MDN1: variants seen among roughly 807,000 people sequenced by gnomAD.
MDN1 encodes the protein midasin AAA ATPase 1.
Under a neutral mutation model 669.2 loss-of-function variants are expected in MDN1, and 266 were observed. The ratio of observed to expected loss-of-function variants is 0.40; its 90% CI spans 0.36 to 0.44. The LOEUF is 0.44. Among genes scored for constraint, MDN1 ranks in the 20% least tolerant of loss-of-function variants. The pLI is 1.00. For synonymous variants in MDN1, 2,385 were observed against 2,457.1 expected (o/e 0.97, Z 0.87); for missense variants, 5,940 against 6,754.0 (o/e 0.88, Z 4.22).
chr6:89,801,367 G>A (rs1478083155), intron 2 of MDN1, among the ~76,000 whole-genome samples: 1 of 152,022 alleles, frequency 6.6e-6, no homozygotes, highest in Non-Finnish European at 1.5e-5. Flanking sequence ...AAATACAAAA[G>A]TTAGGCCAGG....
intron 1 of MDN1, among the ~76,000 whole-genome samples, chr6:89,815,680 T>C (rs1358065614): frequency 6.6e-6 from 1 of 152,168 alleles, no homozygotes; most frequent in Non-Finnish European, 1.5e-5. Flanking sequence ...TAGTAATGCA[T>C]CGTATACTTG....
At chr6:89,812,144 C>A (rs1768463100) in intron 1 of MDN1, among the ~76,000 whole-genome samples, 2 of 151,930 alleles carry the variant, frequency 1.3e-5, no homozygotes, top group African/African-American at 4.8e-5. Flanking sequence ...CGCCACCACA[C>A]CCGGCTAATT....
chr6:89,773,127 TA>T (rs1292797921), intron 13 of MDN1, among the ~76,000 whole-genome samples: 1 of 152,232 alleles, frequency 6.6e-6, no homozygotes, highest in East Asian at 1.9e-4. Context: ...AATGTGACCT[TA>T]TTTCAAAATA....
chr6:89,762,539 GAC>G lies in MDN1; in HGVS notation c.2145-11_2145-10del, dbSNP rs772435753. On this transcript the variant is annotated splice_polypyrimidine_tract_variant and intron_variant, in intron 15 of 101. Coordinates refer to ENST00000369393, the MANE Select transcript of MDN1 (RefSeq NM_014611.3). ...GGTCCACCGGTTTATAACTGAAACA[GAC>G]ACAGGTAAATGTGATTCACAAACTT... is the stretch of plus-strand genomic sequence containing the variant. 1.3e-6 allele frequency: 2 copies of G among 1,596,620 alleles called. No homozygotes were observed. The highest frequency in any genetic ancestry group is 1.7e-6 in the Non-Finnish European group (2 of 1,167,278).
chr6:89,758,430 T>G, intron 18 of MDN1, 79 bp from the exon 19 acceptor site: 1 of 1,149,876 alleles, frequency 8.7e-7, no homozygotes, highest in African/African-American at 1.5e-5. Context: ...GCCAGCCTGA[T>G]GCTGGCTGCT....
At chr6:89,717,046 A>G (rs1814423849) in intron 43 of MDN1, among the ~76,000 whole-genome samples, 1 of 152,244 alleles carries the variant, frequency 6.6e-6, no homozygotes, top group South Asian at 2.1e-4. Flanking sequence ...CTAGGGTGAT[A>G]GAGGTGGCAA....
At chr6:89,728,568 C>A (rs996037899) in intron 36 of MDN1, among the ~76,000 whole-genome samples, 1 of 152,162 alleles carries the variant, frequency 6.6e-6, no homozygotes, top group East Asian at 1.9e-4. Flanking sequence ...CCATGGCTTA[C>A]GCCTGTAATC....
At chr6:89,786,226 C>T (rs1162751875) in intron 8 of MDN1, among the ~76,000 whole-genome samples, 1 of 151,894 alleles carries the variant, frequency 6.6e-6, no homozygotes, top group Non-Finnish European at 1.5e-5. Context: ...CCACTGCACT[C>T]CAGCTTGGAT....
intron 46 of MDN1, among the ~76,000 whole-genome samples, 185 bp downstream of exon 46, chr6:89,714,358 G>C (rs951513054): frequency 1.4e-4 from 22 of 152,320 alleles, no homozygotes; most frequent in African/African-American, 4.8e-4. Flanking sequence ...ACTGATTCCT[G>C]TGCCTTGCCC....
Position 89,662,073 on chromosome 6 carries a change from C to A in MDN1, c.14565+14G>T. On this transcript the variant is annotated intron_variant, in intron 87 of 101. Coordinates refer to ENST00000369393, the MANE Select transcript of MDN1 (RefSeq NM_014611.3). ...TTGAGTCAAGAGAGCGGATCAGTTT[C>A]AAATCTTCATTACCTCATCTATTTG... 2 of 1,607,718 alleles carry A rather than the reference C, an allele frequency of 1.2e-6. No homozygotes were observed. The highest frequency in any genetic ancestry group is 1.7e-6 in the Non-Finnish European group (2 of 1,177,766).
chr6:89,670,124 C>CT (rs1370878869), intron 83 of MDN1, among the ~76,000 whole-genome samples: 8 of 116,548 alleles, frequency 6.9e-5, no homozygotes, highest in Non-Finnish European at 9.9e-5. Context: ...TTTGGAGACT[C>CT]TGTCTCCAAA....
intron 31 of MDN1, among the ~76,000 whole-genome samples, chr6:89,740,978 TC>T (rs1437183692): frequency 1.3e-5 from 2 of 152,248 alleles, no homozygotes; most frequent in Admixed American, 1.3e-4. Flanking sequence ...TCGCCTGTAA[TC>T]CCAGCACTTT....
At chr6:89,778,667 G>C (rs925988745) in intron 11 of MDN1, among the ~76,000 whole-genome samples, 7 of 151,648 alleles carry the variant, frequency 4.6e-5, no homozygotes, top group Non-Finnish European at 2.9e-5. Context: ...GGTGGATCAC[G>C]AGGTCAGGAG....
At chr6:89,671,154 A>G (rs777929739) in intron 82 of MDN1, 74 bp from the exon 83 acceptor site, 13 of 1,489,228 alleles carry the variant, frequency 8.7e-6, no homozygotes, top group Non-Finnish European at 1.2e-5. Context: ...GGAACTAGAT[A>G]GTGGTGGTAA....
chr6:89,652,384 T>G, intron 94 of MDN1, 103 bp from the exon 95 acceptor site: 2 of 816,836 alleles, frequency 2.4e-6, no homozygotes, highest in Non-Finnish European at 4.0e-6. Context: ...AAGTACATAG[T>G]CAAATGCTCC....
At chr6:89,778,935 A>AAATAAAT (rs1554196786) in intron 11 of MDN1, among the ~76,000 whole-genome samples, 9,527 of 126,344 alleles carry the variant, frequency 0.075, 414 homozygotes, top group African/African-American at 0.089. Flanking sequence ...AATAAATAAA[A>AAATAAAT]AAAAAGGTAT....
chr6:89,647,024 C>T (rs909579519), intron 99 of MDN1, among the ~76,000 whole-genome samples: 3 of 152,278 alleles, frequency 2.0e-5, no homozygotes, highest in East Asian at 3.9e-4. Context: ...TGGCCTCAAG[C>T]GGTCCTCACA....
intron 33 of MDN1, among the ~76,000 whole-genome samples, chr6:89,733,310 A>C (rs1376516194): frequency 6.6e-6 from 1 of 152,036 alleles, no homozygotes; most frequent in Non-Finnish European, 1.5e-5. Context: ...TCATGAATCA[A>C]GTTGAATATT....
intron 61 of MDN1, 38 bp from the exon 62 acceptor site, chr6:89,694,221 G>C (rs761964544): frequency 6.5e-7 from 1 of 1,527,748 alleles, no homozygotes; most frequent in Non-Finnish European, 9.1e-7. Flanking sequence ...CTGTGTCCCA[G>C]CTATGACCAT....
Sources: allele counts gnomAD v4.1 joint callset (sites outside exome capture counted in the v4.1 genomes callset), GRCh38; gene constraint gnomAD v4.1.1; transcripts MANE v1.5; gene names NCBI Gene and HGNC (gene_info 2026-07-23, HGNC 2026-07-21).